Variants in SLC24A2 observed in about 807,000 individuals in gnomAD.
SLC24A2 encodes solute carrier family 24 member 2.
SLC24A2 carries 36 observed loss-of-function variants against 62.0 expected under a neutral mutation model. The observed-to-expected ratio is 0.58, with a 90% CI of 0.44 to 0.77. The LOEUF is 0.77. SLC24A2 is among the 30% of genes least tolerant of loss of function. The pLI, the probability that SLC24A2 is intolerant of heterozygous loss-of-function variation, is 0.00. For synonymous variants in SLC24A2, 358 were observed against 294.0 expected, an observed-to-expected ratio of 1.22 and a Z score of -2.23; for missense variants, 846 against 817.9, an observed-to-expected ratio of 1.03 and a Z score of -0.42.
chr9:19,561,229 CTGTATT>C (rs1835383163), intron 7 of SLC24A2, among the ~76,000 whole-genome samples: 1 of 151,598 alleles, frequency 6.6e-6, no homozygotes, highest in African/African-American at 2.4e-5. Context: ...CACACCTGGC[CTGTATT>C]TGTATTTTTT....
the SLC24A2 span, among the ~76,000 whole-genome samples, chr9:20,060,924 T>A: frequency 1.3e-5 from 2 of 152,134 alleles, no homozygotes; most frequent in South Asian, 4.1e-4. Context: ...TTAAAAAAAA[T>A]AATTTCATTT....
the SLC24A2 span, among the ~76,000 whole-genome samples, chr9:20,050,078 A>G: frequency 1.3e-5 from 2 of 152,108 alleles, no homozygotes; most frequent in Non-Finnish European, 2.9e-5. Context: ...TCTGTTATCA[A>G]CAAGCCAAGA....
In SLC24A2 at chr9:19,521,030, T is replaced by G. The variant is rs1833172799; in HGVS notation, c.1600A>C (p.Ile534Leu). The change falls in exon 10 of 11, where the codon ATT becomes CTT. Residue 534 changes from isoleucine (I) to leucine (L), a missense_variant. Transcript: ENST00000341998. ...GCAGCCAAGATGGTCAGGCCCATAA[T>G]CTCTTCACTGATGCCAATTGTCTCT... ...VGETIGISEE[I>L]MGLTILAAGT... 4 of 1,613,976 alleles carry G rather than the reference T, an allele frequency of 2.5e-6. No homozygotes were observed. The highest frequency in any genetic ancestry group is 3.4e-6 in the Non-Finnish European group (4 of 1,180,000).
chr9:19,619,803 C>T (rs1246650139), intron 3 of SLC24A2, 111 bp from the exon 4 acceptor site: 1 of 799,572 alleles, frequency 1.3e-6, no homozygotes. Context: ...CATGATCACA[C>T]AGTATTGAGC....
chr9:20,191,402 C>T, the SLC24A2 span, among the ~76,000 whole-genome samples: 8 of 151,954 alleles, frequency 5.3e-5, no homozygotes, highest in African/African-American at 1.4e-4. Flanking sequence ...GGTGCCTTCC[C>T]GTGCCAGCAT....
intron 5 of SLC24A2, among the ~76,000 whole-genome samples, chr9:19,589,102 C>T (rs1455981531): frequency 6.6e-6 from 1 of 152,180 alleles, no homozygotes. Context: ...TTTCTATCTT[C>T]AGAAATTTAT....
chr9:19,960,939 C>A, the SLC24A2 span, among the ~76,000 whole-genome samples: 1 of 151,642 alleles, frequency 6.6e-6, no homozygotes, highest in Non-Finnish European at 1.5e-5. Context: ...TTATTATTGC[C>A]CAACTACTTA....
At chr9:20,045,535 G>T in the SLC24A2 span, among the ~76,000 whole-genome samples, 41 of 152,104 alleles carry the variant, frequency 2.7e-4, 2 homozygotes, top group South Asian at 8.5e-3. Context: ...AGGTTCAAGC[G>T]ACTCTCCTGC....
At chr9:20,134,428 G>A in the SLC24A2 span, among the ~76,000 whole-genome samples, 1 of 152,106 alleles carries the variant, frequency 6.6e-6, no homozygotes. Context: ...TGGAGTCACA[G>A]AGGCCAGGGC....
chr9:19,647,945 T>C (rs1391539947), intron 2 of SLC24A2, among the ~76,000 whole-genome samples: 1 of 152,190 alleles, frequency 6.6e-6, no homozygotes, highest in Non-Finnish European at 1.5e-5. Context: ...TTGAACTTCC[T>C]TCCTCTTCCT....
intron 2 of SLC24A2, among the ~76,000 whole-genome samples, chr9:19,769,712 G>A (rs1822626653): frequency 1.3e-5 from 2 of 152,184 alleles, no homozygotes; most frequent in African/African-American, 4.8e-5. Flanking sequence ...ATGCATGGCT[G>A]AGTGGGGATC....
At chr9:19,828,988 CCTA>C in the SLC24A2 span, among the ~76,000 whole-genome samples, 2 of 152,284 alleles carry the variant, frequency 1.3e-5, no homozygotes, top group East Asian at 3.9e-4. Flanking sequence ...TCCTCTACTG[CCTA>C]CTAATTCCCA....
chr9:19,556,328 A>G (rs1835085397), intron 7 of SLC24A2, among the ~76,000 whole-genome samples: 1 of 152,234 alleles, frequency 6.6e-6, no homozygotes, highest in Non-Finnish European at 1.5e-5. Flanking sequence ...TCACCAGTTC[A>G]GAGGTTGCCT....
chr9:19,736,501 C>A (rs1821514713), intron 2 of SLC24A2, among the ~76,000 whole-genome samples: 1 of 152,036 alleles, frequency 6.6e-6, no homozygotes, highest in Admixed American at 6.6e-5. Flanking sequence ...TTTAGCAATA[C>A]TGAAATTAGA....
the SLC24A2 span, among the ~76,000 whole-genome samples, chr9:20,076,272 G>C: frequency 6.6e-6 from 1 of 152,230 alleles, no homozygotes; most frequent in Non-Finnish European, 1.5e-5. Flanking sequence ...TTAGTTCCTA[G>C]ATGATAAAAA....
the SLC24A2 span, among the ~76,000 whole-genome samples, chr9:19,883,339 G>A: frequency 6.6e-6 from 1 of 152,090 alleles, no homozygotes; most frequent in Non-Finnish European, 1.5e-5. Context: ...TGCAATAAAT[G>A]CTTTCCTAAA....
At chr9:19,987,344 A>C in the SLC24A2 span, among the ~76,000 whole-genome samples, 1 of 152,200 alleles carries the variant, frequency 6.6e-6, no homozygotes, top group Non-Finnish European at 1.5e-5. Flanking sequence ...TCTGAATGAA[A>C]ATATTGATAA....
At chr9:19,980,324 A>G in the SLC24A2 span, among the ~76,000 whole-genome samples, 3 of 152,300 alleles carry the variant, frequency 2.0e-5, no homozygotes, top group East Asian at 5.8e-4. Context: ...TGAAGAAGCA[A>G]GCAGGGCATT....
intron 2 of SLC24A2, among the ~76,000 whole-genome samples, chr9:19,668,505 C>G (rs1371743094): frequency 1.3e-5 from 2 of 152,202 alleles, no homozygotes; most frequent in Non-Finnish European, 2.9e-5. Context: ...TGTAGAATTC[C>G]TACTTCCCCT....
Sources: gnomAD v4.1 joint callset for allele counts (sites outside exome capture counted in the v4.1 genomes callset) on GRCh38, gnomAD v4.1.1 for gene constraint, MANE v1.5 for transcripts, NCBI Gene and HGNC (gene_info 2026-07-23, HGNC 2026-07-21) for gene names.